Variants in ADCY2 observed in about 807,000 individuals in gnomAD.
ADCY2 encodes adenylate cyclase type 2.
In ADCY2, 31 loss-of-function variants were observed where a neutral mutation model predicts 125.2. The observed-to-expected ratio is 0.25, with a 90% CI of 0.19 to 0.33. The LOEUF is 0.33. ADCY2 is among the 10% of genes least tolerant of loss of function. The pLI, the probability that ADCY2 is intolerant of heterozygous loss-of-function variation, is 1.00. For missense variants in ADCY2, 904 were observed against 1,418.2 expected (o/e 0.64, Z 5.82); for synonymous variants, 512 against 548.4 (o/e 0.93, Z 0.93).
intron 3 of ADCY2, among the ~76,000 whole-genome samples, chr5:7,527,721 G>T (rs1475373023): frequency 6.6e-6 from 1 of 152,210 alleles, no homozygotes; most frequent in East Asian, 1.9e-4. Context: ...AAAAATTTTA[G>T]ATTGCACCTA....
chr5:7,787,901 GCTGCCTTAA>G (rs1163437205), intron 19 of ADCY2, among the ~76,000 whole-genome samples: 2 of 152,144 alleles, frequency 1.3e-5, no homozygotes, highest in African/African-American at 4.8e-5. Flanking sequence ...GGTTGGACTT[GCTGCCTTAA>G]CTGCTCCCTT....
chr5:7,707,565 A>G, intron 8 of ADCY2, 141 bp from the exon 9 acceptor site: 1 of 976,284 alleles, frequency 1.0e-6, no homozygotes, highest in Non-Finnish European at 1.5e-6. Flanking sequence ...AGCAGTGGTC[A>G]ATAGAATATA....
At chr5:7,501,935 G>T (rs1044487408) in intron 2 of ADCY2, among the ~76,000 whole-genome samples, 2 of 152,026 alleles carry the variant, frequency 1.3e-5, no homozygotes, top group South Asian at 2.1e-4. Flanking sequence ...TCATCCAGAC[G>T]CAGAGAGTCT....
intron 20 of ADCY2, chr5:7,794,480 A>G (rs1033833072): frequency 1.3e-5 from 2 of 152,334 alleles, no homozygotes; most frequent in African/African-American, 4.8e-5. Flanking sequence ...TCCCCATGGG[A>G]ACAGCACTGC....
intron 3 of ADCY2, among the ~76,000 whole-genome samples, chr5:7,581,276 A>G (rs10065609): frequency 0.099 from 15,025 of 152,164 alleles, 843 homozygotes; most frequent in Non-Finnish European, 0.13. Flanking sequence ...CATGACAGGG[A>G]TAGTATATAG....
intron 2 of ADCY2, among the ~76,000 whole-genome samples, chr5:7,474,440 G>C (rs1286788443): frequency 6.6e-6 from 1 of 152,210 alleles, no homozygotes; most frequent in Non-Finnish European, 1.5e-5. Flanking sequence ...ATCTGATGTG[G>C]GAGAGGGAGT....
At chr5:7,461,458 A>T (rs983987967) in intron 2 of ADCY2, among the ~76,000 whole-genome samples, 1 of 152,248 alleles carries the variant, frequency 6.6e-6, no homozygotes, top group Non-Finnish European at 1.5e-5. Context: ...AGGTACATTC[A>T]GAGTGTATAA....
At chr5:7,531,980 T>C (rs1561077810) in intron 3 of ADCY2, among the ~76,000 whole-genome samples, 1 of 152,248 alleles carries the variant, frequency 6.6e-6, no homozygotes, top group Non-Finnish European at 1.5e-5. Flanking sequence ...CCAGAGAGTC[T>C]GTGGGGTTTC....
chr5:7,626,334 T>A lies in ADCY2; in HGVS notation c.720+18T>A. ...GTCAACAGGTAATGGATGTTTCATC[T>A]TACATCCACATTATTTTAGTCATTA... On this transcript the variant is annotated intron_variant, in intron 4 of 24. Transcript: ENST00000338316. The A allele has an allele frequency of 6.2e-7, 1 of 1,610,802 alleles. No homozygotes were observed. Among genetic ancestry groups the A allele is most frequent in the Non-Finnish European group, 8.5e-7 (1 of 1,177,738 alleles).
intron 2 of ADCY2, among the ~76,000 whole-genome samples, chr5:7,505,141 C>A (rs569427969): frequency 1.3e-5 from 2 of 152,262 alleles, no homozygotes; most frequent in Admixed American, 6.5e-5. Context: ...ACCTTGGCCT[C>A]CCAAAGTGCT....
chr5:7,426,722 C>G (rs959502873), intron 2 of ADCY2, among the ~76,000 whole-genome samples: 2 of 152,110 alleles, frequency 1.3e-5, no homozygotes, highest in African/African-American at 2.4e-5. Flanking sequence ...TGGTATTTCT[C>G]TCTGCTTGTG....
At chr5:7,581,799 GA>G (rs1461946529) in intron 3 of ADCY2, among the ~76,000 whole-genome samples, 1 of 136,912 alleles carries the variant, frequency 7.3e-6, no homozygotes, top group East Asian at 2.0e-4. Flanking sequence ...CCAGGCTGGC[GA>G]CAGAGCAAGA....
intron 15 of ADCY2, among the ~76,000 whole-genome samples, chr5:7,749,048 G>A (rs1284932767): frequency 6.6e-6 from 1 of 152,154 alleles, no homozygotes; most frequent in African/African-American, 2.4e-5. Context: ...ACTAGGCAGG[G>A]ATGCCCATGT....
At chr5:7,548,811 CT>C (rs1170258368) in intron 3 of ADCY2, among the ~76,000 whole-genome samples, 1 of 152,136 alleles carries the variant, frequency 6.6e-6, no homozygotes, top group Admixed American at 6.5e-5. Flanking sequence ...CCAAAGCCAT[CT>C]GTGATTTGCA....
At chr5:7,473,281 T>TG (rs1742406071) in intron 2 of ADCY2, among the ~76,000 whole-genome samples, 1 of 152,104 alleles carries the variant, frequency 6.6e-6, no homozygotes, top group Non-Finnish European at 1.5e-5. Flanking sequence ...CATCTTCTGG[T>TG]GGGGGCCTCC....
intron 5 of ADCY2, among the ~76,000 whole-genome samples, chr5:7,693,413 GTTTT>G (rs70940751): frequency 3.1e-5 from 1 of 32,412 alleles, no homozygotes; most frequent in Admixed American, 4.1e-4. Context: ...GCTGTTTTTT[GTTTT>G]TTTTTTTTTT....
At chr5:7,438,928 T>C (rs752153147) in intron 2 of ADCY2, among the ~76,000 whole-genome samples, 9 of 152,126 alleles carry the variant, frequency 5.9e-5, no homozygotes, top group Non-Finnish European at 8.8e-5. Context: ...ACACAGCACG[T>C]TGAGCAGTGC....
At chr5:7,602,608 G>C (rs1236070346) in intron 3 of ADCY2, among the ~76,000 whole-genome samples, 2 of 152,080 alleles carry the variant, frequency 1.3e-5, no homozygotes, top group Non-Finnish European at 2.9e-5. Context: ...AATTTCTCTT[G>C]GCATTATTGC....
chr5:7,619,187 A>G (rs758064568), intron 3 of ADCY2, among the ~76,000 whole-genome samples: 10 of 152,192 alleles, frequency 6.6e-5, no homozygotes, highest in African/African-American at 9.7e-5. Context: ...TGCCTGACCA[A>G]ATATCAGATG....
Sources: gnomAD v4.1 joint callset for allele counts (sites outside exome capture counted in the v4.1 genomes callset) on GRCh38, gnomAD v4.1.1 for gene constraint, MANE v1.5 for transcripts, NCBI Gene and HGNC (gene_info 2026-07-23, HGNC 2026-07-21) for gene names.